The following LHFPL3 variants were observed in gnomAD, a reference collection of about 807,000 sequenced individuals.
LHFPL3 encodes the protein LHFPL tetraspan subfamily member 3 protein.
In LHFPL3, 5 loss-of-function variants were observed where a neutral mutation model predicts 19.3. That is an observed-to-expected ratio of 0.26 (90% CI 0.14 to 0.54). LHFPL3 has a LOEUF of 0.54. Ranked by LOEUF, LHFPL3 falls within the 20% of genes least tolerant of loss-of-function variation. LHFPL3 has a pLI of 0.94. For missense variants in LHFPL3, 249 were observed against 307.4 expected (o/e 0.81, Z 1.42); for synonymous variants, 133 against 126.2 (o/e 1.05, Z -0.36).
At chr7:104,840,210 C>A (rs34508498) in intron 2 of LHFPL3, among the ~76,000 whole-genome samples, 1 of 151,464 alleles carries the variant, frequency 6.6e-6, no homozygotes. Context: ...CACTAAATTA[C>A]AATACTATCT....
At chr7:104,700,924 C>A (rs1465496644) in intron 1 of LHFPL3, among the ~76,000 whole-genome samples, 1 of 152,192 alleles carries the variant, frequency 6.6e-6, no homozygotes, top group Non-Finnish European at 1.5e-5. Flanking sequence ...GCTGCATATT[C>A]AGTAACCAGG....
At chr7:104,875,648 G>A (rs895598527) in intron 2 of LHFPL3, among the ~76,000 whole-genome samples, 2 of 152,150 alleles carry the variant, frequency 1.3e-5, no homozygotes, top group African/African-American at 4.8e-5. Flanking sequence ...AGATTTGTCA[G>A]ACCTTAACAA....
chr7:104,587,190 T>A (rs1014991188), intron 1 of LHFPL3, among the ~76,000 whole-genome samples: 2 of 152,250 alleles, frequency 1.3e-5, no homozygotes, highest in South Asian at 4.1e-4. Flanking sequence ...TACATATGTA[T>A]ACATGTGCCA....
At chr7:104,474,619 A>G (rs1277239569) in intron 1 of LHFPL3, among the ~76,000 whole-genome samples, 2 of 140,444 alleles carry the variant, frequency 1.4e-5, no homozygotes, top group African/African-American at 5.4e-5. Context: ...GTAAGCAGAT[A>G]TTGTGCCTCT....
intron 1 of LHFPL3, among the ~76,000 whole-genome samples, chr7:104,395,972 G>A (rs891757001): frequency 3.9e-5 from 6 of 152,100 alleles, no homozygotes; most frequent in African/African-American, 1.4e-4. Context: ...GGAAATCTCG[G>A]GTCATCTCAC....
intron 1 of LHFPL3, among the ~76,000 whole-genome samples, chr7:104,388,244 G>C (rs920478974): frequency 6.6e-6 from 1 of 152,124 alleles, no homozygotes; most frequent in African/African-American, 2.4e-5. Context: ...GCTACAGTGA[G>C]CATACACATG....
intron 1 of LHFPL3, among the ~76,000 whole-genome samples, chr7:104,653,798 A>G (rs1419927884): frequency 6.6e-6 from 1 of 152,192 alleles, no homozygotes; most frequent in Admixed American, 6.5e-5. Flanking sequence ...CCTCCCAGCC[A>G]AGAAAAAAAA....
chr7:104,668,658 C>G (rs138148476), intron 1 of LHFPL3: 26 of 1,610,632 alleles, frequency 1.6e-5, no homozygotes, highest in Non-Finnish European at 2.2e-5. Flanking sequence ...ACGGGATGAT[C>G]GGTCGTGGAG....
At chr7:104,752,078 T>C (rs1794185649) in intron 2 of LHFPL3, among the ~76,000 whole-genome samples, 1 of 152,168 alleles carries the variant, frequency 6.6e-6, no homozygotes, top group African/African-American at 2.4e-5. Context: ...GGTCTTATTT[T>C]CTTTAACCTG....
At position 104,399,905 on chromosome 7, in the gene LHFPL3, A is replaced by G. The variant is rs1159935308; in HGVS notation, c.445+70681A>G. On this transcript the variant is annotated intron_variant, in intron 1 of 2. Coordinates refer to ENST00000424859, the MANE Select transcript of LHFPL3 (RefSeq NM_199000.3). This position sits in a 1 kb window ranked among gnomAD's most constrained non-coding sequence, Gnocchi z 4.4. Reference sequence around the variant, plus strand: ...TGGATCACGTGAGGTCGAGTTTGAGACCAGCCTGGCCAACATGGTTAAACC... The same window carrying G: ...TGGATCACGTGAGGTCGAGTTTGAGGCCAGCCTGGCCAACATGGTTAAACC... 6.6e-6 allele frequency among the ~76,000 whole-genome samples: 1 copy of G among 150,574 alleles called. No individual in the cohort carries two copies. The highest frequency in any genetic ancestry group is 1.5e-5 in the Non-Finnish European group (1 of 67,590).
At chr7:104,375,879 C>T (rs182916373) in intron 1 of LHFPL3, among the ~76,000 whole-genome samples, 84 of 152,270 alleles carry the variant, frequency 5.5e-4, no homozygotes, top group African/African-American at 1.9e-3. Context: ...CTATATGAAA[C>T]GGTTTTGCAT....
At chr7:104,737,211 T>A (rs1293519996) in intron 2 of LHFPL3, among the ~76,000 whole-genome samples, 1 of 152,156 alleles carries the variant, frequency 6.6e-6, no homozygotes, top group South Asian at 2.1e-4. Context: ...CCATCAGAAC[T>A]TAATGGCTAA....
At chr7:104,661,603 T>C (rs756333594) in intron 1 of LHFPL3, among the ~76,000 whole-genome samples, 1 of 152,216 alleles carries the variant, frequency 6.6e-6, no homozygotes, top group African/African-American at 2.4e-5. Flanking sequence ...CTGATGTGTT[T>C]CCTTCATAAT....
intron 1 of LHFPL3, among the ~76,000 whole-genome samples, chr7:104,497,400 TACAC>T (rs1321967038): frequency 1.3e-5 from 2 of 148,614 alleles, no homozygotes; most frequent in African/African-American, 4.9e-5. Context: ...CACACACACA[TACAC>T]ACACACAGGT....
intron 1 of LHFPL3, among the ~76,000 whole-genome samples, chr7:104,434,023 A>G (rs904425946): frequency 3.9e-5 from 6 of 152,210 alleles, no homozygotes; most frequent in Admixed American, 2.6e-4. Context: ...TTTTCTTTTA[A>G]ATGCTAAGTA....
intron 1 of LHFPL3, among the ~76,000 whole-genome samples, chr7:104,458,900 C>T (rs1049800967): frequency 5.3e-5 from 8 of 152,118 alleles, no homozygotes; most frequent in Admixed American, 2.0e-4. Context: ...TTGGGAAGTC[C>T]GGTTTCTGGG....
intron 1 of LHFPL3, among the ~76,000 whole-genome samples, chr7:104,441,493 G>A (rs907996607): frequency 6.6e-6 from 1 of 152,062 alleles, no homozygotes; most frequent in South Asian, 2.1e-4. Context: ...GGATATTTAT[G>A]TTGTTTCCAT....
At chr7:104,526,217 G>C (rs894480103) in intron 1 of LHFPL3, among the ~76,000 whole-genome samples, 1 of 152,122 alleles carries the variant, frequency 6.6e-6, no homozygotes, top group African/African-American at 2.4e-5. Context: ...GAAATTCTAA[G>C]TCAACAGTTA....
At chr7:104,339,572 T>G (rs1278019002) in intron 1 of LHFPL3, among the ~76,000 whole-genome samples, 1 of 152,242 alleles carries the variant, frequency 6.6e-6, no homozygotes, top group African/African-American at 2.4e-5. Flanking sequence ...TGCAGTTCCA[T>G]TTCTGCCACT....
Sources: gnomAD v4.1 joint callset for allele counts (sites outside exome capture counted in the v4.1 genomes callset) on GRCh38, gnomAD v4.1.1 for gene constraint, Gnocchi (gnomAD v3.1) non-coding constraint, MANE v1.5 for transcripts, NCBI Gene and HGNC (gene_info 2026-07-23, HGNC 2026-07-21) for gene names.